The following VCPIP1 variants were observed in gnomAD, a reference collection of about 807,000 sequenced individuals.
VCPIP1 encodes valosin containing protein interacting protein 1, also known as deubiquitinating protein VCPIP1.
Under a neutral mutation model 85.0 loss-of-function variants are expected in VCPIP1, and 8 were observed. The observed-to-expected ratio is 0.09, with a 90% confidence interval of 0.06 to 0.17. The LOEUF is 0.17. Among genes scored for constraint, VCPIP1 ranks in the 10% least tolerant of loss-of-function variants. VCPIP1 has a pLI of 1.00. For missense variants in VCPIP1, 1,070 were observed against 1,486.3 expected (o/e 0.72, Z 4.61); for synonymous variants, 543 against 544.5 (o/e 1.00, Z 0.04).
rs1811212780 is a variant in VCPIP1 at position 66,666,527 on chromosome 8, G to C, written c.432C>G (p.Gly144=). Reference sequence around the variant, plus strand: ...TCATGTCCCGGAGAAGCTTGGCCCGGCCTGTCTGTTTGTCCATTCCATAGC... The same window carrying C: ...TCATGTCCCGGAGAAGCTTGGCCCGCCCTGTCTGTTTGTCCATTCCATAGC... The part of the protein sequence containing the change: ...LARYGMDKQT[G]RAKLLRDMNQ... The change falls in exon 1 of 3, where the codon GGC becomes GGG. Residue 144 remains glycine, a synonymous_variant. Transcript: ENST00000310421. This position sits in a 1 kb window ranked among gnomAD's most constrained non-coding sequence, Gnocchi z 6.3. 5 of 1,614,012 alleles carry C rather than the reference G, an allele frequency of 3.1e-6. No individual in the cohort carries two copies. The highest frequency in any genetic ancestry group is 4.2e-6 in the Non-Finnish European group (5 of 1,180,042).
At position 66,633,763 on chromosome 8, in the gene VCPIP1, T is replaced by C. The variant is rs76201387; in HGVS notation, c.*738A>G. On this transcript the variant is annotated 3_prime_UTR_variant, in exon 3 of 3. Coordinates refer to ENST00000310421, the MANE Select transcript of VCPIP1 (RefSeq NM_025054.5). Reference sequence around the variant, plus strand: ...TTCTGCAAGATTAAAAAAAAAAAAATCAGGTTGTTCTTGACCAAGCCAGGA... The same window carrying C: ...TTCTGCAAGATTAAAAAAAAAAAAACCAGGTTGTTCTTGACCAAGCCAGGA... 1 of 151,248 alleles carries C rather than the reference T, an allele frequency of 6.6e-6. No individual in the cohort carries two copies. The highest frequency in any genetic ancestry group is 2.4e-5 in the African/African-American group (1 of 41,084). 9.4% of individuals were successfully genotyped at this position (151,248 alleles called of 1,614,324 possible).
At chr8:66,650,924 C>A (rs1473395566) in intron 2 of VCPIP1, among the ~76,000 whole-genome samples, 10 of 148,110 alleles carry the variant, frequency 6.8e-5, no homozygotes, top group Non-Finnish European at 3.0e-5. Flanking sequence ...GTGGCTCATG[C>A]CTGCAATCCC....
At chr8:66,659,441 A>G (rs1214398192) in intron 1 of VCPIP1, among the ~76,000 whole-genome samples, 1 of 152,154 alleles carries the variant, frequency 6.6e-6, no homozygotes, top group Non-Finnish European at 1.5e-5. Context: ...TATGGGTAAA[A>G]TATTGTTATT....
At position 66,665,839 on chromosome 8, in the gene VCPIP1, G is replaced by C. The variant is rs1811203334; in HGVS notation, c.1120C>G (p.Leu374Val). 1 of 1,614,190 alleles carries C rather than the reference G, an allele frequency of 6.2e-7. No homozygotes were observed. ...AALPKLPMNLLPKAWGVPQDL... is the reference protein window; with the variant it reads ...AALPKLPMNLVPKAWGVPQDL... ...TGAGGCACACCCCATGCTTTAGGAA[G>C]CAAATTCATAGGCAGTTTGGGCAAA... Residue 374 changes from leucine (L) to valine (V), a missense_variant, in exon 1 of 3, where the codon CTT (leucine) becomes GTT (valine). Leu to Val is a conservative substitution (Grantham distance 32). Around this residue, in one of 8 missense-constraint regions of VCPIP1, gnomAD observed 118 missense variants for 337.1 expected, o/e 0.35. Coordinates refer to ENST00000310421, the MANE Select transcript of VCPIP1 (RefSeq NM_025054.5). This position sits in a 1 kb window ranked among gnomAD's most constrained non-coding sequence, Gnocchi z 4.3.
At position 66,664,704 on chromosome 8, in the gene VCPIP1, C is replaced by T. The variant is rs753025732; in HGVS notation, c.2255G>A (p.Arg752His). The T allele has an allele frequency of 2.5e-6, 4 of 1,613,698 alleles. No individual in the cohort carries two copies. In the East Asian group the frequency reaches 6.7e-5, roughly 27 times the overall value. Residue 752 changes from arginine (R) to histidine (H), a missense_variant, in exon 1 of 3, where the codon CGT becomes CAT. Physicochemically the swap from Arg to His is conservative, Grantham distance 29. Around this residue, in one of 8 missense-constraint regions of VCPIP1, gnomAD observed 278 missense variants for 298.5 expected, o/e 0.93. Coordinates refer to ENST00000310421, the MANE Select transcript of VCPIP1 (RefSeq NM_025054.5). Reference sequence around the variant, plus strand: ...AGCAGGTGCAGAGGATGGACCATCACGAATGGTACTGGGAGAAACAGTCCT... The same window carrying T: ...AGCAGGTGCAGAGGATGGACCATCATGAATGGTACTGGGAGAAACAGTCCT... ...QPRTVSPSTI[R>H]DGPSSAPATP...
chr8:66,649,976 G>A (rs1043982426), intron 2 of VCPIP1, among the ~76,000 whole-genome samples: 2 of 151,800 alleles, frequency 1.3e-5, no homozygotes, highest in Admixed American at 6.6e-5. Flanking sequence ...AATTATCAAC[G>A]TTAATTATCA....
At chr8:66,661,070 TAC>T (rs1811151911) in intron 1 of VCPIP1, among the ~76,000 whole-genome samples, 2 of 152,172 alleles carry the variant, frequency 1.3e-5, no homozygotes, top group Admixed American at 1.3e-4. Flanking sequence ...ATAATTCAAA[TAC>T]AGTCATAAGC....
chr8:66,649,892 T>A (rs2130165779), intron 2 of VCPIP1, among the ~76,000 whole-genome samples: 1 of 152,176 alleles, frequency 6.6e-6, no homozygotes, highest in South Asian at 2.1e-4. Flanking sequence ...TAATCCTGTC[T>A]TAAAAGAAAA....
In VCPIP1 at chr8:66,631,559, T is replaced by C. The variant is rs961068990; in HGVS notation, c.*2942A>G. 1.3e-5 allele frequency: 2 copies of C among 154,444 alleles called. No homozygotes were observed. Among genetic ancestry groups the C allele is most frequent in the Admixed American group, 6.6e-5 (1 of 15,252 alleles). The allele number at this position is 154,444 out of a possible 1,614,324, so 9.6% of individuals were successfully genotyped here. ...CATCTCCAATGAAGATACTTAAAAATAATGGCAATAAGGACCTGTGGCCAG... is the reference window on the plus strand; with the variant it reads ...CATCTCCAATGAAGATACTTAAAAACAATGGCAATAAGGACCTGTGGCCAG... On this transcript the variant is annotated 3_prime_UTR_variant, in exon 3 of 3. Transcript: ENST00000310421.
intron 2 of VCPIP1, among the ~76,000 whole-genome samples, chr8:66,645,119 G>GAAAA (rs1199954255): frequency 1.8e-5 from 1 of 56,042 alleles, no homozygotes. Context: ...CTGTATCCAA[G>GAAAA]AAAAAAAAAA....
At chr8:66,638,636 A>G (rs954232833) in intron 2 of VCPIP1, among the ~76,000 whole-genome samples, 11 of 151,964 alleles carry the variant, frequency 7.2e-5, no homozygotes, top group Non-Finnish European at 7.4e-5. Context: ...AAAATTAGCC[A>G]GGCGTGGTGG....
chr8:66,636,106 GT>G (rs1810883416), intron 2 of VCPIP1, among the ~76,000 whole-genome samples: 1 of 151,446 alleles, frequency 6.6e-6, no homozygotes, highest in South Asian at 2.1e-4. Context: ...GTGTGAGCCT[GT>G]AGTCCCAGCT....
intron 2 of VCPIP1, among the ~76,000 whole-genome samples, chr8:66,646,325 G>A (rs539417156): frequency 9.5e-4 from 144 of 151,964 alleles, no homozygotes; most frequent in Non-Finnish European, 1.5e-3. Context: ...CGCTTGCCTC[G>A]GCCTCCCAAA....
At chr8:66,656,811 T>A (rs867340880) in intron 1 of VCPIP1, among the ~76,000 whole-genome samples, 2 of 151,984 alleles carry the variant, frequency 1.3e-5, no homozygotes, top group African/African-American at 4.8e-5. Flanking sequence ...GGTTTCACCA[T>A]GTTGGCCAGG....
chr8:66,642,734 T>A (rs1810959731), intron 2 of VCPIP1, among the ~76,000 whole-genome samples: 1 of 152,164 alleles, frequency 6.6e-6, no homozygotes, highest in Non-Finnish European at 1.5e-5. Flanking sequence ...ATTTAAAAAA[T>A]AATTTCAAAC....
chr8:66,647,391 A>C (rs1213598329), intron 2 of VCPIP1, among the ~76,000 whole-genome samples: 1 of 151,682 alleles, frequency 6.6e-6, no homozygotes, highest in African/African-American at 2.4e-5. Flanking sequence ...AAATAAAAAT[A>C]ATAAAATTTA....
intron 1 of VCPIP1, 89 bp from the exon 2 acceptor site, chr8:66,651,633 T>A (rs1811054994): frequency 9.8e-7 from 1 of 1,016,140 alleles, no homozygotes; most frequent in East Asian, 2.5e-5. Flanking sequence ...AGAATAAACA[T>A]CAAGGCAGAG....
intron 2 of VCPIP1, among the ~76,000 whole-genome samples, chr8:66,636,785 G>A (rs1810891724): frequency 6.6e-6 from 1 of 151,800 alleles, no homozygotes; most frequent in African/African-American, 2.4e-5. Flanking sequence ...AACCCAAGAG[G>A]CGGAGGCTGC....
rs1458808677 is a variant in VCPIP1 at position 66,632,637 on chromosome 8, G to C, written c.*1864C>G. 3 of 152,102 alleles carry C rather than the reference G, an allele frequency of 2.0e-5. No homozygotes were observed. The highest frequency in any genetic ancestry group is 4.1e-4 in the South Asian group (2 of 4,834). The allele number at this position is 152,102 out of a possible 1,614,324, so 9.4% of individuals were successfully genotyped here. ...GATTATATCATTTTACATGAAAGCA[G>C]TGCATTTTTTGCTTAAACAGTTTTC... On this transcript the variant is annotated 3_prime_UTR_variant, in exon 3 of 3. Transcript: ENST00000310421.
Sources: gnomAD v4.1 joint callset for allele counts (sites outside exome capture counted in the v4.1 genomes callset) on GRCh38, gnomAD v4.1.1 for gene constraint, gnomAD v4.1.1 regional missense constraint, Gnocchi (gnomAD v3.1) non-coding constraint, MANE v1.5 for transcripts, NCBI Gene and HGNC (gene_info 2026-07-23, HGNC 2026-07-21) for gene names.